Variants in FBXW7 observed in about 807,000 individuals in gnomAD.
FBXW7 encodes F-box and WD repeat domain containing 7, also known as F-box/WD repeat-containing protein 7.
Under a neutral mutation model 86.3 loss-of-function variants are expected in FBXW7, and 11 were observed. The observed-to-expected ratio is 0.13, with a 90% CI of 0.08 to 0.21. FBXW7 has a LOEUF of 0.21. Among genes scored for constraint, FBXW7 ranks in the 10% least tolerant of loss-of-function variants. The pLI is 1.00. For synonymous variants in FBXW7, 313 were observed against 297.9 expected (o/e 1.05, Z -0.52); for missense variants, 488 against 847.4 (o/e 0.58, Z 5.27).
intron 2 of FBXW7, among the ~76,000 whole-genome samples, chr4:152,428,277 G>A (rs754748199): frequency 6.6e-6 from 1 of 151,964 alleles, no homozygotes; most frequent in Non-Finnish European, 1.5e-5. Flanking sequence ...CAAACAGAGA[G>A]GCCATACCAA....
chr4:152,436,797 G>A (rs1198470124), intron 2 of FBXW7, among the ~76,000 whole-genome samples: 1 of 152,192 alleles, frequency 6.6e-6, no homozygotes, highest in Non-Finnish European at 1.5e-5. Context: ...GAGCCTAGAT[G>A]GCAGCACATC....
chr4:152,496,177 T>TCAAA (rs767586963), intron 2 of FBXW7, among the ~76,000 whole-genome samples: 3 of 151,928 alleles, frequency 2.0e-5, no homozygotes, highest in African/African-American at 4.8e-5. Flanking sequence ...ACACACCACC[T>TCAAA]CAAACAAACA....
chr4:152,480,720 G>T (rs1744808912), intron 2 of FBXW7, among the ~76,000 whole-genome samples: 1 of 152,168 alleles, frequency 6.6e-6, no homozygotes, highest in East Asian at 1.9e-4. Context: ...CAAAGGTTTG[G>T]TGTTCTGCAC....
rs1728531477 is a variant in FBXW7, at chr4:152,321,200, A to G, written c.*1681T>C. On this transcript the variant is annotated 3_prime_UTR_variant, in exon 14 of 14. Transcript: ENST00000281708. ...GATTTTGCTTATTTAAATATTATAGACAAATCCTAAATACTTATAATGAAG... is the reference window on the plus strand; with the variant it reads ...GATTTTGCTTATTTAAATATTATAGGCAAATCCTAAATACTTATAATGAAG... 2 of 219,780 alleles carry G rather than the reference A, an allele frequency of 9.1e-6. No individual in the cohort carries two copies. Among genetic ancestry groups the G allele is most frequent in the Non-Finnish European group, 1.8e-5 (2 of 109,696 alleles). 13.6% of individuals were successfully genotyped at this position (219,780 alleles called of 1,614,324 possible).
chr4:152,374,888 G>A (rs978062494), intron 4 of FBXW7, among the ~76,000 whole-genome samples: 9 of 139,838 alleles, frequency 6.4e-5, no homozygotes, highest in African/African-American at 1.6e-4. Flanking sequence ...AGTTACAGGA[G>A]GGGGGGGGAT....
chr4:152,493,989 CAAT>C (rs1020386935), intron 2 of FBXW7, among the ~76,000 whole-genome samples: 84 of 152,180 alleles, frequency 5.5e-4, no homozygotes, highest in African/African-American at 1.8e-3. Context: ...GAAATGGAAA[CAAT>C]AATTTCTAGC....
chr4:152,411,006 C>A (rs1354309747), intron 4 of FBXW7, among the ~76,000 whole-genome samples: 1 of 152,150 alleles, frequency 6.6e-6, no homozygotes, highest in Non-Finnish European at 1.5e-5. Context: ...CTACACCCCA[C>A]ACAAGCTACT....
At chr4:152,492,722 A>G (rs1745980420) in intron 2 of FBXW7, among the ~76,000 whole-genome samples, 1 of 152,190 alleles carries the variant, frequency 6.6e-6, no homozygotes, top group Admixed American at 6.5e-5. Flanking sequence ...CTGGAGGAAA[A>G]GGTATATTAC....
At chr4:152,423,844 T>G (rs918024926) in intron 2 of FBXW7, among the ~76,000 whole-genome samples, 1 of 152,216 alleles carries the variant, frequency 6.6e-6, no homozygotes, top group Non-Finnish European at 1.5e-5. Context: ...GGTGCTAGAC[T>G]GCTTTCTAGA....
At chr4:152,392,131 C>G (rs1165687245) in intron 4 of FBXW7, among the ~76,000 whole-genome samples, 1 of 152,108 alleles carries the variant, frequency 6.6e-6, no homozygotes, top group Non-Finnish European at 1.5e-5. Flanking sequence ...AAATTGTATT[C>G]TCAAAGGTAG....
chr4:152,452,631 A>G (rs969847221), intron 2 of FBXW7, among the ~76,000 whole-genome samples: 5 of 152,220 alleles, frequency 3.3e-5, no homozygotes, highest in African/African-American at 1.2e-4. Flanking sequence ...ACACGTTGAA[A>G]AAGAAAGAAG....
At chr4:152,385,748 A>G (rs1223465970) in intron 4 of FBXW7, among the ~76,000 whole-genome samples, 1 of 152,030 alleles carries the variant, frequency 6.6e-6, no homozygotes, top group African/African-American at 2.4e-5. Flanking sequence ...TTCAATTATT[A>G]TTTTTTTAAA....
chr4:152,376,166 T>C (rs1734496242), intron 4 of FBXW7, among the ~76,000 whole-genome samples: 1 of 152,112 alleles, frequency 6.6e-6, no homozygotes, highest in Admixed American at 6.6e-5. Context: ...ATTTAACATG[T>C]CTAATAGTTT....
intron 2 of FBXW7, among the ~76,000 whole-genome samples, chr4:152,474,623 T>C (rs1001473209): frequency 6.6e-6 from 1 of 152,210 alleles, no homozygotes; most frequent in African/African-American, 2.4e-5. Flanking sequence ...TTATACAGAA[T>C]TGAATCCTAT....
intron 4 of FBXW7, among the ~76,000 whole-genome samples, chr4:152,357,619 C>T (rs1046422507): frequency 6.6e-6 from 1 of 152,056 alleles, no homozygotes; most frequent in African/African-American, 2.4e-5. Context: ...CCGTGCCTGG[C>T]CAGAAGTTTT....
chr4:152,476,975 A>T (rs1744458534), intron 2 of FBXW7, among the ~76,000 whole-genome samples: 1 of 152,074 alleles, frequency 6.6e-6, no homozygotes, highest in Non-Finnish European at 1.5e-5. Context: ...CGCATCTGTT[A>T]TGCAATCCAC....
intron 4 of FBXW7, among the ~76,000 whole-genome samples, chr4:152,378,843 C>T (rs1315153461): frequency 2.0e-5 from 3 of 151,804 alleles, no homozygotes; most frequent in Non-Finnish European, 4.4e-5. Context: ...CCCATCTCTA[C>T]AAAAATACAA....
chr4:152,342,435 A>G (rs1490907913), intron 6 of FBXW7, among the ~76,000 whole-genome samples: 1 of 152,234 alleles, frequency 6.6e-6, no homozygotes, highest in East Asian at 1.9e-4. Flanking sequence ...AAAACCCGCC[A>G]GCAGATAGTC....
intron 2 of FBXW7, among the ~76,000 whole-genome samples, chr4:152,429,507 T>C (rs891497547): frequency 2.6e-5 from 4 of 152,048 alleles, no homozygotes; most frequent in South Asian, 2.1e-4. Context: ...TAAAAAGAGA[T>C]AGTCATAATG....
Sources: gnomAD v4.1 joint callset for allele counts (sites outside exome capture counted in the v4.1 genomes callset) on GRCh38, gnomAD v4.1.1 for gene constraint, MANE v1.5 for transcripts, NCBI Gene and HGNC (gene_info 2026-07-23, HGNC 2026-07-21) for gene names.